Variants in PRKCI observed in about 807,000 individuals in gnomAD.
PRKCI encodes protein kinase C iota, also known as protein kinase C iota type.
Under a neutral mutation model 84.0 loss-of-function variants are expected in PRKCI, and 43 were observed. The observed-to-expected ratio is 0.51, with a 90% CI of 0.40 to 0.66. The LOEUF (loss-of-function observed/expected upper bound fraction) is 0.66, where lower values mean the gene tolerates loss of function less well. PRKCI is among the 30% of genes least tolerant of loss of function. The pLI is 0.00. For synonymous variants in PRKCI, 216 were observed against 234.4 expected (o/e 0.92, Z 0.72); for missense variants, 459 against 745.6 (o/e 0.62, Z 4.48).
chr3:170,241,085 G>T (rs950268935), intron 2 of PRKCI, among the ~76,000 whole-genome samples: 1 of 152,000 alleles, frequency 6.6e-6, no homozygotes, highest in African/African-American at 2.4e-5. Flanking sequence ...AATTGTATAT[G>T]TTCGTGGGAT....
intron 2 of PRKCI, among the ~76,000 whole-genome samples, chr3:170,237,248 G>A (rs79795761): frequency 0.02 from 3,101 of 152,292 alleles, 49 homozygotes; most frequent in East Asian, 0.084. Context: ...AGTTTAACAG[G>A]CTCCACGGGT....
Position 170,304,245 on chromosome 3 carries a change from A to G in PRKCI, c.*1118A>G, listed in dbSNP as rs1734899124. On this transcript the variant is annotated 3_prime_UTR_variant, in exon 18 of 18. Coordinates refer to ENST00000295797, the MANE Select transcript of PRKCI (RefSeq NM_002740.6). Reference sequence around the variant, plus strand: ...GAAAGGAAAAAAACCAGAAATTTAAAATAGATACAGAAAAGTACACTGGTA... The same window carrying G: ...GAAAGGAAAAAAACCAGAAATTTAAGATAGATACAGAAAAGTACACTGGTA... 6.6e-6 allele frequency: 1 copy of G among 152,166 alleles called. No individual in the cohort carries two copies. Among genetic ancestry groups the G allele is most frequent in the Non-Finnish European group, 1.5e-5 (1 of 68,044 alleles). The allele number at this position is 152,166 out of a possible 1,614,324, so 9.4% of individuals were successfully genotyped here.
chr3:170,281,357 TATC>T, intron 10 of PRKCI, 94 bp downstream of exon 10: 1 of 958,856 alleles, frequency 1.0e-6, no homozygotes, highest in Non-Finnish European at 1.6e-6. Flanking sequence ...ATGAAGTTGA[TATC>T]ATGGAGGATG....
At chr3:170,274,462 A>AT (rs753063291) in intron 7 of PRKCI, among the ~76,000 whole-genome samples, 3 of 152,146 alleles carry the variant, frequency 2.0e-5, no homozygotes, top group Non-Finnish European at 4.4e-5. Flanking sequence ...TAAAAGCTTT[A>AT]TTATCAGAAG....
intron 4 of PRKCI, among the ~76,000 whole-genome samples, chr3:170,267,489 C>T (rs1183832198): frequency 6.6e-6 from 1 of 151,890 alleles, no homozygotes; most frequent in Non-Finnish European, 1.5e-5. Flanking sequence ...GCCTGACCAA[C>T]ATGGAGAAAC....
chr3:170,247,234 T>A (rs576442640), intron 2 of PRKCI, among the ~76,000 whole-genome samples: 45 of 151,824 alleles, frequency 3.0e-4, no homozygotes, highest in African/African-American at 9.4e-4. Context: ...GTTTTTTTTT[T>A]AAATAGAGAT....
chr3:170,238,970 G>A (rs1301119282), intron 2 of PRKCI, among the ~76,000 whole-genome samples: 1 of 152,156 alleles, frequency 6.6e-6, no homozygotes, highest in Non-Finnish European at 1.5e-5. Flanking sequence ...CTGGCCTTAA[G>A]TGATCCTCCT....
intron 2 of PRKCI, among the ~76,000 whole-genome samples, chr3:170,240,741 C>A (rs931967378): frequency 1.3e-5 from 2 of 152,176 alleles, no homozygotes; most frequent in Non-Finnish European, 2.9e-5. Context: ...TGCTGTTCCT[C>A]AAGCCAAACA....
At chr3:170,291,008 C>T (rs1037912010) in intron 12 of PRKCI, among the ~76,000 whole-genome samples, 8 of 152,008 alleles carry the variant, frequency 5.3e-5, no homozygotes, top group Admixed American at 2.6e-4. Flanking sequence ...TGGTGGCACA[C>T]GCCTATAATC....
At chr3:170,290,483 C>CCA (rs1007566954) in intron 12 of PRKCI, among the ~76,000 whole-genome samples, 9 of 151,776 alleles carry the variant, frequency 5.9e-5, no homozygotes, top group African/African-American at 2.2e-4. Flanking sequence ...CTCCCTCACT[C>CCA]CACACACACA....
Position 170,222,748 on chromosome 3 carries a change from C to T in PRKCI, c.79C>T (p.Arg27Trp). Residue 27 changes from arginine to tryptophan, a missense_variant, in exon 1 of 18, where the codon CGG (arginine) becomes TGG (tryptophan). Physicochemically the swap from Arg to Trp is moderately radical, Grantham distance 101. Transcript: ENST00000295797. ...CAGCGGGGACCATTCCCACCAGGTC[C>T]GGGTGAAAGCCTACTACCGCGGGTG... ...GGSGDHSHQV[R>W]VKAYYRGDIM... 3 of 1,447,756 alleles carry T rather than the reference C, an allele frequency of 2.1e-6. No individual in the cohort carries two copies. The highest frequency in any genetic ancestry group is 2.8e-6 in the Non-Finnish European group (3 of 1,077,470). 89.7% of individuals were successfully genotyped at this position (1,447,756 alleles called of 1,614,324 possible).
intron 4 of PRKCI, among the ~76,000 whole-genome samples, chr3:170,265,007 G>A (rs1379094412): frequency 2.6e-5 from 4 of 151,834 alleles, no homozygotes; most frequent in African/African-American, 9.7e-5. Flanking sequence ...CCAACATGGT[G>A]AAAGCCCATC....
chr3:170,289,923 A>G (rs1734501394), intron 12 of PRKCI, among the ~76,000 whole-genome samples: 1 of 151,970 alleles, frequency 6.6e-6, no homozygotes, highest in African/African-American at 2.4e-5. Context: ...AAGAAGAAAA[A>G]AAAGCCAGGC....
At chr3:170,261,460 A>T (rs1264534639) in intron 3 of PRKCI, among the ~76,000 whole-genome samples, 3,812 of 121,216 alleles carry the variant, frequency 0.031, 57 homozygotes, top group South Asian at 0.052. Flanking sequence ...TTTTTTTTTT[A>T]AAAAAAAAAA....
chr3:170,236,177 C>G (rs1341809038), intron 2 of PRKCI, among the ~76,000 whole-genome samples: 1 of 151,682 alleles, frequency 6.6e-6, no homozygotes, highest in Admixed American at 6.6e-5. Context: ...TATCAGCTCA[C>G]TGTAACCTCC....
chr3:170,258,649 T>C (rs1400919419), intron 2 of PRKCI, among the ~76,000 whole-genome samples: 2 of 152,166 alleles, frequency 1.3e-5, no homozygotes, highest in Non-Finnish European at 2.9e-5. Context: ...TGCCACCTCA[T>C]TGATCGCCAG....
chr3:170,232,854 G>A (rs1451129881), intron 1 of PRKCI, among the ~76,000 whole-genome samples: 2 of 152,256 alleles, frequency 1.3e-5, no homozygotes, highest in Non-Finnish European at 1.5e-5. Context: ...ACTGGACCTT[G>A]AACTTCAAAG....
At chr3:170,268,703 C>CA (rs1303558125) in intron 5 of PRKCI, among the ~76,000 whole-genome samples, 2 of 151,932 alleles carry the variant, frequency 1.3e-5, no homozygotes, top group Non-Finnish European at 2.9e-5. Flanking sequence ...TACTACGTAC[C>CA]AGGCACTTTT....
intron 12 of PRKCI, among the ~76,000 whole-genome samples, chr3:170,290,784 G>T (rs1247705839): frequency 2.0e-5 from 3 of 151,836 alleles, no homozygotes; most frequent in Non-Finnish European, 4.4e-5. Flanking sequence ...TTAATTATTG[G>T]GTAGTTCCTT....
Sources: allele counts gnomAD v4.1 joint callset (sites outside exome capture counted in the v4.1 genomes callset), GRCh38; gene constraint gnomAD v4.1.1; transcripts MANE v1.5; gene names NCBI Gene and HGNC (gene_info 2026-07-23, HGNC 2026-07-21).